Variants in ZMAT4 observed in about 807,000 individuals in gnomAD.
ZMAT4 encodes the protein zinc finger matrin-type 4.
A neutral mutation model predicts 28.7 loss-of-function variants in ZMAT4; 17 were observed. That is an observed-to-expected ratio of 0.59 (90% CI 0.41 to 0.89). The LOEUF (loss-of-function observed/expected upper bound fraction) is 0.89, where lower values mean the gene tolerates loss of function less well. Among genes scored for constraint, ZMAT4 ranks in the 40% least tolerant of loss-of-function variants. ZMAT4 has a pLI of 0.00. For missense variants in ZMAT4, 240 were observed against 283.8 expected, an observed-to-expected ratio of 0.85 and a Z score of 1.11; for synonymous variants, 117 against 109.2, an observed-to-expected ratio of 1.07 and a Z score of -0.44.
intron 3 of ZMAT4, among the ~76,000 whole-genome samples, chr8:40,720,865 A>T (rs1022654782): frequency 1.3e-5 from 2 of 151,604 alleles, no homozygotes; most frequent in Non-Finnish European, 2.9e-5. Flanking sequence ...TTTTAGCACA[A>T]TCTGAGTAAG....
intron 5 of ZMAT4, among the ~76,000 whole-genome samples, chr8:40,647,262 G>A (rs950864194): frequency 7.2e-5 from 11 of 152,216 alleles, no homozygotes; most frequent in Non-Finnish European, 1.3e-4. Context: ...GCCTCACTTG[G>A]GAAGCGCAAA....
intron 1 of ZMAT4, among the ~76,000 whole-genome samples, chr8:40,858,711 C>T (rs1484691636): frequency 6.6e-6 from 1 of 152,128 alleles, no homozygotes; most frequent in Non-Finnish European, 1.5e-5. Context: ...AATGAAGAGC[C>T]CACCTCAGTC....
At chr8:40,758,607 G>T (rs1020298870) in intron 3 of ZMAT4, among the ~76,000 whole-genome samples, 4 of 151,902 alleles carry the variant, frequency 2.6e-5, no homozygotes, top group African/African-American at 7.3e-5. Context: ...CCATTTGTGT[G>T]AACAGCACAC....
chr8:40,764,264 GA>G (rs10565040), intron 3 of ZMAT4, among the ~76,000 whole-genome samples: 37 of 151,780 alleles, frequency 2.4e-4, no homozygotes, highest in African/African-American at 7.3e-4. Context: ...CTTCCAGGGG[GA>G]AAAAAAATGT....
At position 40,610,846 on chromosome 8, in the gene ZMAT4, GA is replaced by G. The variant is rs374129562; in HGVS notation, c.578-29586del. ...ATAAGAGATAGGCCATAGAAAAAAT[GA>G]AAAAAAAAAGGCTATATGTGAAACC... is the stretch of plus-strand genomic sequence containing the variant. On this transcript the variant is annotated intron_variant, in intron 5 of 6. Transcript: ENST00000297737. 9.9e-3 allele frequency among the ~76,000 whole-genome samples: 1,387 copies of G among 139,840 alleles called. 13 individuals are homozygous for G. The highest frequency in any genetic ancestry group is 0.014 in the Non-Finnish European group (906 of 63,938). The allele number at this position is 139,840 out of a possible 152,430, so 91.7% of individuals were successfully genotyped here.
intron 5 of ZMAT4, among the ~76,000 whole-genome samples, chr8:40,661,094 A>T (rs979081758): frequency 6.6e-6 from 1 of 152,082 alleles, no homozygotes; most frequent in Non-Finnish European, 1.5e-5. Flanking sequence ...TTCTACTTGG[A>T]GTAAATCTGG....
At chr8:40,864,821 A>G (rs575199397) in intron 1 of ZMAT4, among the ~76,000 whole-genome samples, 2 of 152,334 alleles carry the variant, frequency 1.3e-5, no homozygotes, top group African/African-American at 2.4e-5. Flanking sequence ...AACCTGAACT[A>G]TATGTCATAA....
intron 2 of ZMAT4, among the ~76,000 whole-genome samples, chr8:40,820,974 T>C (rs1218657248): frequency 6.7e-6 from 1 of 149,618 alleles, no homozygotes; most frequent in Admixed American, 6.7e-5. Context: ...TATGTGTGTA[T>C]GTGTATGTGT....
chr8:40,850,250 C>T (rs1310190131), intron 1 of ZMAT4, among the ~76,000 whole-genome samples: 1 of 152,128 alleles, frequency 6.6e-6, no homozygotes, highest in Non-Finnish European at 1.5e-5. Context: ...AACTCCAAGG[C>T]CCTCCGCTGG....
Position 40,686,681 on chromosome 8 carries a change from A to G in ZMAT4, c.349+10564T>C, listed in dbSNP as rs577128408. Among the ~76,000 whole-genome samples, 39 of 152,310 alleles carry G rather than the reference A, an allele frequency of 2.6e-4. No individual in the cohort carries two copies. In the East Asian group the frequency reaches 7.3e-3, roughly 29 times the overall value. ...TTTAAAAATCATAAGAGCAACAGGT[A>G]CAAAGAAAATAATATCATGAAATAT... On this transcript the variant is annotated intron_variant, in intron 4 of 6. Coordinates refer to ENST00000297737, the MANE Select transcript of ZMAT4 (RefSeq NM_024645.3).
chr8:40,791,249 C>T (rs1225053536), intron 2 of ZMAT4, among the ~76,000 whole-genome samples: 1 of 152,158 alleles, frequency 6.6e-6, no homozygotes, highest in Non-Finnish European at 1.5e-5. Flanking sequence ...GGGATGGCAT[C>T]CAGAGAGTGC....
intron 5 of ZMAT4, among the ~76,000 whole-genome samples, chr8:40,583,995 G>A (rs1466294308): frequency 6.6e-6 from 1 of 152,172 alleles, no homozygotes; most frequent in African/African-American, 2.4e-5. Context: ...TTGTCCACGA[G>A]GAATTTCCTT....
intron 5 of ZMAT4, among the ~76,000 whole-genome samples, chr8:40,658,397 C>A (rs901668484): frequency 2.0e-5 from 3 of 152,056 alleles, no homozygotes; most frequent in South Asian, 4.1e-4. Context: ...TGAAAGCCGG[C>A]AGCAAACTTA....
chr8:40,841,063 G>A (rs1308995533), intron 1 of ZMAT4, among the ~76,000 whole-genome samples: 3 of 152,156 alleles, frequency 2.0e-5, no homozygotes, highest in Non-Finnish European at 4.4e-5. Flanking sequence ...CTGGCGTCAG[G>A]GGCAAAAAGA....
At chr8:40,797,941 C>T (rs979614868) in intron 2 of ZMAT4, among the ~76,000 whole-genome samples, 3 of 152,208 alleles carry the variant, frequency 2.0e-5, no homozygotes, top group Non-Finnish European at 4.4e-5. Flanking sequence ...TAAGCCAGGG[C>T]ACTGAGGGGC....
At chr8:40,660,118 G>C (rs1808119729) in intron 5 of ZMAT4, among the ~76,000 whole-genome samples, 2 of 152,118 alleles carry the variant, frequency 1.3e-5, no homozygotes, top group Non-Finnish European at 1.5e-5. Context: ...GTAAAAATAG[G>C]TTCCAAATTC....
chr8:40,637,504 C>T (rs1020197093), intron 5 of ZMAT4, among the ~76,000 whole-genome samples: 3 of 152,176 alleles, frequency 2.0e-5, no homozygotes, highest in Non-Finnish European at 4.4e-5. Flanking sequence ...CCTACCACTC[C>T]TTGTCTCCCC....
At chr8:40,632,077 A>G (rs1333996260) in intron 5 of ZMAT4, among the ~76,000 whole-genome samples, 1 of 152,176 alleles carries the variant, frequency 6.6e-6, no homozygotes, top group Non-Finnish European at 1.5e-5. Flanking sequence ...CAACTGGTGA[A>G]ACAGAGCCAA....
intron 2 of ZMAT4, among the ~76,000 whole-genome samples, chr8:40,805,074 T>C (rs1158601169): frequency 6.6e-6 from 1 of 150,858 alleles, no homozygotes; most frequent in Admixed American, 6.6e-5. Context: ...ATATCCAGAA[T>C]CTACAATGAA....
Sources: allele counts gnomAD v4.1 joint callset (sites outside exome capture counted in the v4.1 genomes callset), GRCh38; gene constraint gnomAD v4.1.1; transcripts MANE v1.5; gene names NCBI Gene and HGNC (gene_info 2026-07-23, HGNC 2026-07-21).